Variants in ACYP2 observed in about 807,000 individuals in gnomAD.
ACYP2 encodes acylphosphatase 2, also known as acylphosphatase-2.
A neutral mutation model predicts 11.2 loss-of-function variants in ACYP2; 12 were observed. The observed-to-expected ratio is 1.08, with a 90% CI of 0.69 to 1.74. ACYP2 has a LOEUF of 1.74. Ranked by LOEUF, ACYP2 falls within the 40% of genes most tolerant of loss-of-function variation. ACYP2 has a pLI of 0.00. For missense variants in ACYP2, 134 were observed against 101.9 expected, an observed-to-expected ratio of 1.31 and a Z score of -1.35; for synonymous variants, 43 against 32.2, an observed-to-expected ratio of 1.33 and a Z score of -1.13.
chr2:54,095,164 G>C (rs1678455150), intron 4 of ACYP2, among the ~76,000 whole-genome samples: 1 of 152,124 alleles, frequency 6.6e-6, no homozygotes, highest in African/African-American at 2.4e-5. Context: ...TTAACCCTGA[G>C]TGGACACAGC....
rs531890571 is a variant in ACYP2 at position 54,241,786 on chromosome 2, G to A, written c.405-62902G>A. On this transcript the variant is annotated intron_variant, in intron 6 of 6. Transcript: ENST00000607452. ...CCAGCACTTTGGGAGGCCAAGGCAG[G>A]TGGATCACCTGAGGTCAGGAGTTCA... Among the ~76,000 whole-genome samples the A allele has an allele frequency of 1.3e-5, 2 of 152,346 alleles. 1 individual carries two copies. The highest frequency in any genetic ancestry group is 4.1e-4 in the South Asian group (2 of 4,828).
chr2:54,282,129 T>G (rs1206494192), intron 6 of ACYP2, among the ~76,000 whole-genome samples: 1 of 152,220 alleles, frequency 6.6e-6, no homozygotes, highest in East Asian at 1.9e-4. Context: ...AGTATTTTTT[T>G]GCCTCAAACA....
intron 6 of ACYP2, among the ~76,000 whole-genome samples, chr2:54,287,512 G>T (rs929679039): frequency 1.3e-5 from 2 of 152,026 alleles, no homozygotes; most frequent in Non-Finnish European, 2.9e-5. Flanking sequence ...CATAGAATGT[G>T]TTAGAGGTGA....
chr2:54,052,117 AAGG>A (rs1407187036), intron 3 of ACYP2, among the ~76,000 whole-genome samples: 6 of 151,892 alleles, frequency 4.0e-5, no homozygotes, highest in Admixed American at 2.6e-4. Flanking sequence ...GGATGAGGAG[AAGG>A]AGGAGGATGA....
chr2:54,258,659 A>G (rs1476657036), intron 6 of ACYP2, among the ~76,000 whole-genome samples: 1 of 152,178 alleles, frequency 6.6e-6, no homozygotes, highest in Non-Finnish European at 1.5e-5. Context: ...AGGCTACTGC[A>G]GTAACCCAGG....
chr2:54,036,190 G>A (rs1048923872), intron 2 of ACYP2, among the ~76,000 whole-genome samples: 2 of 152,192 alleles, frequency 1.3e-5, no homozygotes, highest in African/African-American at 2.4e-5. Context: ...TGCCTGCCGG[G>A]TTCAAGCGAT....
chr2:54,266,352 C>T (rs1218451160), intron 6 of ACYP2, among the ~76,000 whole-genome samples: 1 of 152,022 alleles, frequency 6.6e-6, no homozygotes, highest in Non-Finnish European at 1.5e-5. Context: ...GGGTAGGGGA[C>T]AGGAAAACTC....
intron 4 of ACYP2, among the ~76,000 whole-genome samples, chr2:54,121,283 C>T (rs1290995421): frequency 6.6e-6 from 1 of 152,042 alleles, no homozygotes; most frequent in Non-Finnish European, 1.5e-5. Flanking sequence ...TTTATGGGCT[C>T]AGAATGGGGT....
intron 4 of ACYP2, among the ~76,000 whole-genome samples, chr2:54,125,269 G>A (rs116398548): frequency 0.051 from 7,821 of 151,918 alleles, 620 homozygotes; most frequent in African/African-American, 0.18. Flanking sequence ...TATGTCTTTT[G>A]TTATGTATAT....
intron 6 of ACYP2, among the ~76,000 whole-genome samples, chr2:54,261,636 C>A (rs1289026567): frequency 1.3e-5 from 2 of 152,082 alleles, no homozygotes; most frequent in Non-Finnish European, 2.9e-5. Context: ...TTTTTCAGTT[C>A]TTGTTTTGAA....
intron 6 of ACYP2, chr2:54,254,820 A>G: frequency 8.0e-7 from 1 of 1,243,866 alleles, no homozygotes; most frequent in Non-Finnish European, 1.1e-6. Flanking sequence ...GAAAGTCAGA[A>G]CAAAAAAAGT....
chr2:54,146,104 T>G (rs544801629), intron 6 of ACYP2, among the ~76,000 whole-genome samples: 3 of 152,248 alleles, frequency 2.0e-5, no homozygotes, highest in South Asian at 2.1e-4. Context: ...TCATTTACCC[T>G]TGTGCTTGAC....
chr2:54,297,266 G>T (rs1689558044), intron 6 of ACYP2, among the ~76,000 whole-genome samples: 1 of 148,178 alleles, frequency 6.7e-6, no homozygotes, highest in South Asian at 2.1e-4. Flanking sequence ...GGCCAAGGTG[G>T]GAGGATCACT....
At chr2:53,978,964 C>T (rs1199205313) in intron 2 of ACYP2, among the ~76,000 whole-genome samples, 3 of 151,748 alleles carry the variant, frequency 2.0e-5, no homozygotes, top group Non-Finnish European at 4.4e-5. Flanking sequence ...TCATACAGCA[C>T]GTGATACCTG....
At chr2:53,972,800 C>G (rs370516009) in intron 1 of ACYP2, among the ~76,000 whole-genome samples, 3 of 152,220 alleles carry the variant, frequency 2.0e-5, no homozygotes, top group African/African-American at 7.2e-5. Flanking sequence ...AGAGACAAGA[C>G]GACGCTGGGT....
intron 6 of ACYP2, among the ~76,000 whole-genome samples, chr2:54,267,911 G>A (rs1045546070): frequency 2.0e-5 from 3 of 152,178 alleles, no homozygotes; most frequent in African/African-American, 7.2e-5. Context: ...TTTGGGAATT[G>A]GGGCCTATTC....
At chr2:54,009,520 G>A (rs1159798074) in intron 2 of ACYP2, among the ~76,000 whole-genome samples, 4 of 152,174 alleles carry the variant, frequency 2.6e-5, no homozygotes, top group Non-Finnish European at 5.9e-5. Flanking sequence ...GTTGCAGTGA[G>A]CCAAGATTGC....
intron 6 of ACYP2, among the ~76,000 whole-genome samples, chr2:54,224,281 G>A (rs926411113): frequency 2.0e-5 from 3 of 152,170 alleles, no homozygotes; most frequent in African/African-American, 2.4e-5. Context: ...CTCTTGTCCT[G>A]CACCCAAGAA....
At chr2:54,059,659 T>C (rs998105394) in intron 4 of ACYP2, among the ~76,000 whole-genome samples, 25 of 152,362 alleles carry the variant, frequency 1.6e-4, no homozygotes, top group African/African-American at 6.0e-4. Context: ...TTGATTGTCA[T>C]CCCAGGACAT....
Sources: gnomAD v4.1 joint callset for allele counts (sites outside exome capture counted in the v4.1 genomes callset) on GRCh38, gnomAD v4.1.1 for gene constraint, MANE v1.5 for transcripts, NCBI Gene and HGNC (gene_info 2026-07-23, HGNC 2026-07-21) for gene names.